AK7: variants seen among roughly 807,000 people sequenced by gnomAD.
The protein encoded by AK7 is ATP-AMP transphosphorylase 7.
A neutral mutation model predicts 96.6 loss-of-function variants in AK7; 78 were observed. That is an observed-to-expected ratio of 0.81 (90% confidence interval 0.67 to 0.97). The LOEUF (loss-of-function observed/expected upper bound fraction) is 0.97, where lower values mean the gene tolerates loss of function less well. AK7 is among the 50% of genes least tolerant of loss of function. AK7 has a pLI of 0.00. For missense variants in AK7, 855 were observed against 887.9 expected, an observed-to-expected ratio of 0.96 and a Z score of 0.47; for synonymous variants, 302 against 317.2, an observed-to-expected ratio of 0.95 and a Z score of 0.51.
chr14:96,445,023 A>G (rs773832606), intron 7 of AK7, among the ~76,000 whole-genome samples: 5 of 152,124 alleles, frequency 3.3e-5, no homozygotes, highest in Non-Finnish European at 7.4e-5. Context: ...CAGCCCCATT[A>G]GTTATCTTTA....
chr14:96,410,965 C>T (rs1890996880), intron 4 of AK7, among the ~76,000 whole-genome samples: 1 of 151,760 alleles, frequency 6.6e-6, no homozygotes, highest in South Asian at 2.1e-4. Context: ...CACACCACTG[C>T]ACTTCAGCCT....
At chr14:96,394,977 A>G (rs1411535084) in intron 1 of AK7, among the ~76,000 whole-genome samples, 1 of 152,238 alleles carries the variant, frequency 6.6e-6, no homozygotes, top group African/African-American at 2.4e-5. Flanking sequence ...ATCTGCCAAA[A>G]AAAGAGATAC....
intron 15 of AK7, among the ~76,000 whole-genome samples, chr14:96,481,786 C>A (rs1458480359): frequency 6.7e-6 from 1 of 149,928 alleles, no homozygotes; most frequent in African/African-American, 2.5e-5. Flanking sequence ...CTCAATGCAA[C>A]CTCTGCTTCC....
At chr14:96,423,304 G>C (rs1157560201) in intron 5 of AK7, among the ~76,000 whole-genome samples, 1 of 152,332 alleles carries the variant, frequency 6.6e-6, no homozygotes, top group East Asian at 1.9e-4. Flanking sequence ...CACAAAGGCA[G>C]AGGCAACCAA....
intron 3 of AK7, among the ~76,000 whole-genome samples, chr14:96,408,056 C>G (rs567534141): frequency 3.9e-5 from 6 of 152,336 alleles, no homozygotes; most frequent in African/African-American, 1.4e-4. Context: ...TGAATCCCTA[C>G]AAGTTGTTGA....
At chr14:96,476,322 A>G (rs1218257454) in intron 14 of AK7, among the ~76,000 whole-genome samples, 1 of 152,144 alleles carries the variant, frequency 6.6e-6, no homozygotes, top group Non-Finnish European at 1.5e-5. Context: ...TCTGGCCAAC[A>G]TGGTGAAACC....
intron 4 of AK7, among the ~76,000 whole-genome samples, chr14:96,410,735 G>C (rs967629868): frequency 3.3e-5 from 5 of 152,170 alleles, no homozygotes; most frequent in Non-Finnish European, 5.9e-5. Context: ...AGGTGTAGTG[G>C]TGCTTGCCTA....
Position 96,487,036 on chromosome 14 carries a change from G to A in AK7, c.2113G>A (p.Glu705Lys), listed in dbSNP as rs759825760. The change falls in exon 17 of 18, where the codon GAA becomes AAA. Residue 705 changes from glutamate to lysine, a missense_variant. Glu to Lys is a moderately conservative substitution (Grantham distance 56). Transcript: ENST00000267584. ...GAATGAATGTTGCAACGTCCGACCC[G>A]AAGACCCTGTTGATTTTCTGGTAAC... ...GLNECCNVRP[E>K]DPVDFLAEYL... 1.7e-5 allele frequency: 28 copies of A among 1,613,772 alleles called. No individual in the cohort carries two copies. The highest frequency in any genetic ancestry group is 2.3e-5 in the Non-Finnish European group (27 of 1,179,982).
At chr14:96,401,086 A>T (rs1052774424) in intron 2 of AK7, among the ~76,000 whole-genome samples, 2 of 152,046 alleles carry the variant, frequency 1.3e-5, no homozygotes, top group Non-Finnish European at 2.9e-5. Context: ...TCTCATAGCC[A>T]TGTGCCTTAG....
chr14:96,398,113 AAT>A lies in AK7; in HGVS notation c.145_146del (p.Ile49TyrfsTer9). On this transcript the variant is annotated frameshift_variant, in exon 2 of 18. Coordinates refer to ENST00000267584, the MANE Select transcript of AK7 (RefSeq NM_152327.5). LOFTEE classifies it high-confidence loss of function. ...NCVVGASLEE[I>X]TEEEEEEDEN... ...GTGTAGTTGGGGCTTCGCTTGAAGA[AAT>A]TACAGAGGAAGAGGAAGAGGAAGAT... 4 of 1,614,152 alleles carry A rather than the reference AAT, an allele frequency of 2.5e-6. No homozygotes were observed. Among genetic ancestry groups the A allele is most frequent in the Non-Finnish European group, 3.4e-6 (4 of 1,180,034 alleles).
intron 5 of AK7, among the ~76,000 whole-genome samples, chr14:96,423,350 T>C (rs1201199578): frequency 6.6e-6 from 1 of 152,200 alleles, no homozygotes; most frequent in African/African-American, 2.4e-5. Context: ...CCTTAAAGAT[T>C]CTTTGATGCT....
intron 4 of AK7, among the ~76,000 whole-genome samples, chr14:96,418,837 T>A (rs2140034360): frequency 6.6e-6 from 1 of 152,364 alleles, no homozygotes; most frequent in Admixed American, 6.5e-5. Context: ...ATTTTCATTG[T>A]GTTTCTCCTG....
intron 12 of AK7, among the ~76,000 whole-genome samples, chr14:96,468,454 C>A (rs1256756609): frequency 6.6e-6 from 1 of 152,004 alleles, no homozygotes; most frequent in Non-Finnish European, 1.5e-5. Flanking sequence ...TGCCACCACG[C>A]CCGGCTAATT....
intron 2 of AK7, among the ~76,000 whole-genome samples, chr14:96,402,342 C>T (rs926394506): frequency 2.6e-5 from 4 of 152,164 alleles, no homozygotes; most frequent in Admixed American, 1.3e-4. Context: ...CAGTCCCCAT[C>T]GGGTCAGGAC....
intron 12 of AK7, among the ~76,000 whole-genome samples, chr14:96,470,053 G>A (rs539381264): frequency 6.6e-6 from 1 of 152,150 alleles, no homozygotes; most frequent in African/African-American, 2.4e-5. Flanking sequence ...CCCAACCTCA[G>A]GTAATCCACC....
At chr14:96,429,265 T>C (rs1892205875) in intron 5 of AK7, among the ~76,000 whole-genome samples, 1 of 152,118 alleles carries the variant, frequency 6.6e-6, no homozygotes, top group Non-Finnish European at 1.5e-5. Context: ...AAAGATCAGA[T>C]GGTTGTAGAT....
At chr14:96,467,273 T>C (rs1317927754) in intron 12 of AK7, among the ~76,000 whole-genome samples, 2 of 152,062 alleles carry the variant, frequency 1.3e-5, no homozygotes, top group Non-Finnish European at 2.9e-5. Flanking sequence ...TGTGTCCATA[T>C]TAATTAGATC....
chr14:96,487,117 G>A (rs1019100165), intron 17 of AK7, 61 bp downstream of exon 17: 115 of 1,562,780 alleles, frequency 7.4e-5, no homozygotes, highest in Non-Finnish European at 9.5e-5. Context: ...GCTTACACCT[G>A]TAATCCCAGC....
chr14:96,479,366 C>T (rs1223341823), intron 15 of AK7, among the ~76,000 whole-genome samples: 4 of 150,828 alleles, frequency 2.7e-5, no homozygotes, highest in African/African-American at 4.9e-5. Context: ...TGTGAGCCAC[C>T]GTGCCTGGCC....
Sources: gnomAD v4.1 joint callset for allele counts (sites outside exome capture counted in the v4.1 genomes callset) on GRCh38, gnomAD v4.1.1 for gene constraint, MANE v1.5 for transcripts, NCBI Gene and HGNC (gene_info 2026-07-23, HGNC 2026-07-21) for gene names.